The following MUS81 variants were observed in gnomAD, a reference collection of about 807,000 sequenced individuals.
MUS81 encodes MUS81 structure-specific endonuclease subunit.
In MUS81, 69 loss-of-function variants were observed where a neutral mutation model predicts 74.2. The observed-to-expected ratio is 0.93, with a 90% CI of 0.77 to 1.14. The LOEUF is 1.14. Among genes scored for constraint, MUS81 ranks in the 50% most tolerant of loss-of-function variants. The probability of loss-of-function intolerance (pLI) is 0.00; values close to 1 mark genes in which losing one functional copy is unlikely to be tolerated. For missense variants in MUS81, 711 were observed against 726.5 expected (o/e 0.98, Z 0.25); for synonymous variants, 303 against 300.6 (o/e 1.01, Z -0.08).
chr11:65,865,494 C>T, intron 14 of MUS81, 171 bp downstream of exon 14: 1 of 704,774 alleles, frequency 1.4e-6, no homozygotes, highest in Non-Finnish European at 2.3e-6. Context: ...CCAGCAGGCC[C>T]ACATAGTGTC....
chr11:65,862,507 C>G lies in MUS81; in HGVS notation c.583C>G (p.Leu195Val). The change falls in exon 6 of 16, where the codon CTC becomes GTC. Residue 195 changes from leucine to valine, a missense_variant. Coordinates refer to ENST00000308110, the MANE Select transcript of MUS81 (RefSeq NM_025128.5). ...LRSLLHRNLV[L>V]RTHQPARYSL... Reference sequence around the variant, plus strand: ...CTCCCTCCTTCACAGGAACCTGGTCCTCAGGACACACCAGCCAGCCAGGTG... The same window carrying G: ...CTCCCTCCTTCACAGGAACCTGGTCGTCAGGACACACCAGCCAGCCAGGTG... 6.2e-7 allele frequency: 1 copy of G among 1,613,714 alleles called. No homozygotes were observed. Among genetic ancestry groups the G allele is most frequent in the Non-Finnish European group, 8.5e-7 (1 of 1,179,968 alleles).
chr11:65,866,838 T>A, downstream of MUS81: 2 of 1,554,496 alleles, frequency 1.3e-6, no homozygotes, highest in Non-Finnish European at 1.8e-6. Context: ...CTTTCTCCCT[T>A]TATTGCCTTT....
rs1344108451 is a variant in MUS81 at position 65,860,779 on chromosome 11, GGAAGCGCC to G, written c.27_34del (p.Lys10AlafsTer52). 6.5e-7 allele frequency: 1 copy of G among 1,536,854 alleles called. No individual in the cohort carries two copies. Among genetic ancestry groups the G allele is most frequent in the East Asian group, 2.5e-5 (1 of 40,784 alleles). On this transcript the variant is annotated frameshift_variant, in exon 1 of 16. Coordinates refer to ENST00000308110, the MANE Select transcript of MUS81 (RefSeq NM_025128.5). LOFTEE classifies it high-confidence loss of function. ...ATGGCGGCCCCGGTCCGCCTGGGCC[GGAAGCGCC>G]CGCTGCCTGCCTGTCCCAACCCGCT...
At chr11:65,867,266 C>A, downstream of MUS81, 2 of 652,694 alleles carry the variant, frequency 3.1e-6, no homozygotes. Flanking sequence ...GGCTCCTGCC[C>A]TCAGAAATCT....
Position 65,860,989 on chromosome 11 carries a change from G to C in MUS81, c.152G>C (p.Arg51Pro). The C allele has an allele frequency of 6.2e-7, 1 of 1,612,140 alleles. No homozygotes were observed. ...FVFQKALRSL[R>P]RYPLPLRSGK... The stretch of plus-strand genomic sequence containing the variant: ...CCCGGCCAGGCGCTGCGTTCCCTCC[G>C]ACGGTACCCACTGCCGCTGCGCAGC... The change falls in exon 2 of 16, where the codon CGA becomes CCA. Residue 51 changes from arginine (R) to proline (P), a missense_variant. Physicochemically the swap from Arg to Pro is moderately radical, Grantham distance 103. Transcript: ENST00000308110.
intron 10 of MUS81, 105 bp downstream of exon 10, chr11:65,864,006 T>A: frequency 1.7e-6 from 2 of 1,155,158 alleles, no homozygotes; most frequent in Non-Finnish European, 2.5e-6. Context: ...GGCAGAGCCC[T>A]TTGGAATCCA....
chr11:65,863,621 G>A lies in MUS81; in HGVS notation c.861G>A (p.Leu287=). 1.2e-6 allele frequency: 2 copies of A among 1,614,040 alleles called. No homozygotes were observed. The highest frequency in any genetic ancestry group is 8.5e-7 in the Non-Finnish European group (1 of 1,179,990). ...CCAGGGGCGGGCACAGGCCGGAGCT[G>A]CTCCGAGAGCTACAGCGGCTGCACG... ...ETRGGGHRPE[L]LRELQRLHVT... Residue 287 remains leucine (L), a synonymous_variant, in exon 9 of 16, where the codon CTG becomes CTA. Transcript: ENST00000308110.
Position 65,865,331 on chromosome 11 carries a change from C to A in MUS81, c.1505+8C>A. The A allele has an allele frequency of 6.2e-7, 1 of 1,612,284 alleles. No individual in the cohort carries two copies. Among genetic ancestry groups the A allele is most frequent in the Non-Finnish European group, 8.5e-7 (1 of 1,178,992 alleles). On this transcript the variant is annotated splice_region_variant and intron_variant, in intron 14 of 15. Coordinates refer to ENST00000308110, the MANE Select transcript of MUS81 (RefSeq NM_025128.5). ...ATACAGCACCCCTGCCAGGTAGGCC[C>A]TAAAGGGCCCTTAGGTGTCCTCAGC...
chr11:65,864,786 T>A lies in MUS81; in HGVS notation c.1243T>A (p.Leu415Met), dbSNP rs775816905. The A allele has an allele frequency of 6.2e-7, 1 of 1,613,852 alleles. No individual in the cohort carries two copies. The highest frequency in any genetic ancestry group is 1.7e-5 in the Admixed American group (1 of 60,026). ...IKESAAYLAL[L>M]TRGLQRLYQG... ...GGAGTCAGCCGCCTACCTGGCCCTC[T>A]TGACGCGGGGCCTGCAGAGACTCTA... is the stretch of plus-strand genomic sequence containing the variant. The change falls in exon 12 of 16, where the codon TTG (leucine) becomes ATG (methionine). Residue 415 changes from leucine (L) to methionine (M), a missense_variant. By Grantham distance (15) the Leu-to-Met change is conservative. Transcript: ENST00000308110.
chr11:65,862,461 T>C lies in MUS81; in HGVS notation c.537T>C (p.Ala179=), dbSNP rs659857. Residue 179 remains alanine, a synonymous_variant, in exon 6 of 16, where the codon GCT becomes GCC. Coordinates refer to ENST00000308110, the MANE Select transcript of MUS81 (RefSeq NM_025128.5). ...ATCCACAGGTAGCCCCTGGGAGTGC[T>C]CGACCCTGGCCAGCCCTCCGCTCCC... ...QKSPRVAPGS[A]RPWPALRSLL... The C allele has an allele frequency of 0.63, 1,008,899 of 1,607,830 alleles. 327,999 individuals carry two copies. The highest frequency in any genetic ancestry group is 0.7 in the Middle Eastern group (4,232 of 6,038).
At chr11:65,861,266 G>A in intron 2 of MUS81, 84 bp from the exon 3 acceptor site, 4 of 1,535,908 alleles carry the variant, frequency 2.6e-6, no homozygotes, top group Non-Finnish European at 3.5e-6. Context: ...CCGGTCTCAC[G>A]TAACCATCTG....
intron 6 of MUS81, 103 bp downstream of exon 6, chr11:65,862,632 G>GC (rs1445150075): frequency 8.1e-6 from 9 of 1,109,438 alleles, no homozygotes; most frequent in East Asian, 7.4e-5. Flanking sequence ...GAGATTGGGG[G>GC]GGGTGGGCCT....
At chr11:65,860,128 C>T, upstream of MUS81, 1 of 400,924 alleles carries the variant, frequency 2.5e-6, no homozygotes, top group Non-Finnish European at 5.2e-6. Flanking sequence ...CTCCAAGGGT[C>T]CTGCAGCTCC....
chr11:65,863,849 G>A lies in MUS81; in HGVS notation c.1007G>A (p.Arg336Gln), dbSNP rs750077675. 6.2e-6 allele frequency: 10 copies of A among 1,614,066 alleles called. No individual in the cohort carries two copies. Among genetic ancestry groups the A allele is most frequent in the South Asian group, 4.4e-5 (4 of 91,084 alleles). Reference sequence around the variant, plus strand: ...CTGGATCACATTGTGGAGCGCAAGCGACTGGATGACCTTTGCAGCAGCATC... The same window carrying A: ...CTGGATCACATTGTGGAGCGCAAGCAACTGGATGACCTTTGCAGCAGCATC... Reference protein sequence around the residue: ...LVLDHIVERKRLDDLCSSIID... With the variant: ...LVLDHIVERKQLDDLCSSIID... Residue 336 changes from arginine (R) to glutamine (Q), a missense_variant, in exon 10 of 16, where the codon CGA (arginine) becomes CAA (glutamine). By Grantham distance (43) the Arg-to-Gln change is conservative. Coordinates refer to ENST00000308110, the MANE Select transcript of MUS81 (RefSeq NM_025128.5).
chr11:65,866,251 A>G lies in MUS81; in HGVS notation c.*199A>G, dbSNP rs541886402. ...CATCTGGTCCAGTGGTTTTTAAACA[A>G]AGCTGCTTAGCACCTGGAATTCCCT... is the stretch of plus-strand genomic sequence containing the variant. On this transcript the variant is annotated 3_prime_UTR_variant, in exon 16 of 16. Coordinates refer to ENST00000308110, the MANE Select transcript of MUS81 (RefSeq NM_025128.5). 1.6e-6 allele frequency: 1 copy of G among 615,636 alleles called. No homozygotes were observed. The highest frequency in any genetic ancestry group is 2.8e-5 in the East Asian group (1 of 36,300). 38.1% of individuals were successfully genotyped at this position (615,636 alleles called of 1,614,324 possible).
chr11:65,860,069 C>G (rs1859525292), upstream of MUS81: 13 of 307,624 alleles, frequency 4.2e-5, no homozygotes, highest in Middle Eastern at 1.2e-3. Context: ...GACTTCCTCT[C>G]CACCACACAC....
chr11:65,863,715 G>T lies in MUS81; in HGVS notation c.955G>T (p.Asp319Tyr). The T allele has an allele frequency of 6.2e-7, 1 of 1,614,068 alleles. No individual in the cohort carries two copies. The highest frequency in any genetic ancestry group is 1.1e-5 in the South Asian group (1 of 91,074). ...VWVAQETNPR[D>Y]PANPGELVLD... ...GGTGGCCCAGGAGACCAATCCTAGA[G>T]ACCCAGGTGAAGGGCCGTGGACAGG... Residue 319 changes from aspartate to tyrosine, a missense_variant, in exon 9 of 16, where the codon GAC becomes TAC. Asp to Tyr is a radical substitution (Grantham distance 160). Transcript: ENST00000308110.
chr11:65,863,082 A>G lies in MUS81; in HGVS notation c.623A>G (p.Glu208Gly). The change falls in exon 7 of 16, where the codon GAG (glutamate) becomes GGG (glycine). Residue 208 changes from glutamate (E) to glycine (G), a missense_variant. Transcript: ENST00000308110. ...HQPARYSLTPEGLELAQKLAE... is the reference protein window; with the variant it reads ...HQPARYSLTPGGLELAQKLAE... ...CCTCCCAGGTACTCATTGACCCCAG[A>G]GGGCCTGGAGCTGGCCCAGAAGTTG... 1 of 1,614,086 alleles carries G rather than the reference A, an allele frequency of 6.2e-7. No individual in the cohort carries two copies. Among genetic ancestry groups the G allele is most frequent in the Non-Finnish European group, 8.5e-7 (1 of 1,180,004 alleles).
Position 65,861,396 on chromosome 11 carries a change from G to A in MUS81, c.312G>A (p.Pro104=). The change falls in exon 3 of 16, where the codon CCG becomes CCA. Residue 104 remains proline (P), a synonymous_variant. Coordinates refer to ENST00000308110, the MANE Select transcript of MUS81 (RefSeq NM_025128.5). ...CATCTGGAGAGAACAGTCCAGCCCC[G>A]CAGGGGCGACTTGCGGAAGTCCAGG... ...DSPSGENSPA[P]QGRLAEVQDS... is the part of the protein sequence containing the mutation. The A allele has an allele frequency of 1.2e-6, 2 of 1,604,014 alleles. No homozygotes were observed. The highest frequency in any genetic ancestry group is 1.7e-6 in the Non-Finnish European group (2 of 1,174,376).
Sources: gnomAD v4.1 joint callset for allele counts on GRCh38, gnomAD v4.1.1 for gene constraint, MANE v1.5 for transcripts, NCBI Gene and HGNC (gene_info 2026-07-23, HGNC 2026-07-21) for gene names.